Variants in PDS5A observed in about 807,000 individuals in gnomAD.
The protein encoded by PDS5A is sister chromatid cohesion protein PDS5 homolog A.
PDS5A carries 42 observed loss-of-function variants against 167.1 expected under a neutral mutation model. The observed-to-expected ratio is 0.25, with a 90% CI of 0.20 to 0.33. The LOEUF (loss-of-function observed/expected upper bound fraction) is 0.33, where lower values mean the gene tolerates loss of function less well. Ranked by LOEUF, PDS5A falls within the 10% of genes least tolerant of loss-of-function variation. The pLI, the probability that PDS5A is intolerant of heterozygous loss-of-function variation, is 1.00. For missense variants in PDS5A, 1,033 were observed against 1,605.9 expected (o/e 0.64, Z 6.10); for synonymous variants, 553 against 554.6 (o/e 1.00, Z 0.04).
chr4:39,849,458 C>G, intron 27 of PDS5A, 62 bp downstream of exon 27: 1 of 646,532 alleles, frequency 1.5e-6, no homozygotes, highest in East Asian at 3.7e-5. Context: ...AAAAAAAAAC[C>G]AAGTGGGACA....
chr4:39,939,997 C>A (rs1274972453), intron 2 of PDS5A, among the ~76,000 whole-genome samples: 1 of 151,894 alleles, frequency 6.6e-6, no homozygotes, highest in Non-Finnish European at 1.5e-5. Context: ...GAGTCTCACA[C>A]CTGCAATCCC....
chr4:39,958,824 G>T (rs908837604), intron 2 of PDS5A, among the ~76,000 whole-genome samples: 1 of 152,030 alleles, frequency 6.6e-6, no homozygotes, highest in Admixed American at 6.6e-5. Flanking sequence ...GGCCAGGTTG[G>T]TCTCAAGCTC....
At chr4:39,888,530 T>C (rs1386539149) in intron 17 of PDS5A, among the ~76,000 whole-genome samples, 2 of 151,950 alleles carry the variant, frequency 1.3e-5, no homozygotes, top group Non-Finnish European at 2.9e-5. Flanking sequence ...AATAGCCAAA[T>C]ATGGAATGAA....
intron 2 of PDS5A, among the ~76,000 whole-genome samples, chr4:39,964,539 TACA>T (rs903632328): frequency 2.0e-5 from 3 of 152,060 alleles, no homozygotes; most frequent in African/African-American, 7.2e-5. Context: ...CCCCCAAAAC[TACA>T]ACAAATTTAA....
chr4:39,900,618 C>T, intron 13 of PDS5A, 111 bp from the exon 14 acceptor site: 2 of 672,650 alleles, frequency 3.0e-6, no homozygotes, highest in Non-Finnish European at 5.3e-6. Flanking sequence ...CTACATCTAC[C>T]TAAAAGTTTA....
rs530611960 is a variant in PDS5A, at chr4:39,898,262, C to G, written c.1770+127G>C. On this transcript the variant is annotated intron_variant, in intron 16 of 32. Transcript: ENST00000303538. Reference sequence around the variant, plus strand: ...GAATTAACTTGACAATAGATATACTCCAAAGTAATTCAGAGCTCACAATAT... The same window carrying G: ...GAATTAACTTGACAATAGATATACTGCAAAGTAATTCAGAGCTCACAATAT... The G allele has an allele frequency of 5.2e-6, 7 of 1,346,836 alleles. No homozygotes were observed. The South Asian group carries it at 6.8e-5, about 13-fold the overall frequency. The allele number at this position is 1,346,836 out of a possible 1,614,324, so 83.4% of individuals were successfully genotyped here.
At chr4:39,860,728 G>A (rs1357909072) in intron 26 of PDS5A, among the ~76,000 whole-genome samples, 1 of 152,100 alleles carries the variant, frequency 6.6e-6, no homozygotes, top group African/African-American at 2.4e-5. Flanking sequence ...AGTGAAATAA[G>A]CCAAGCCCAG....
Position 39,913,731 on chromosome 4 carries a change from GA to G in PDS5A, c.877-6del. On this transcript the variant is annotated splice_region_variant and splice_polypyrimidine_tract_variant and intron_variant, in intron 8 of 32. Transcript: ENST00000303538. ...TCGCTCTTCTCCATCATTGCTCTAAGAAGGGAAAACAGAAAGTGAAGCCTAA... is the reference window on the plus strand; with the variant it reads ...TCGCTCTTCTCCATCATTGCTCTAAGAGGGAAAACAGAAAGTGAAGCCTAA... 6.7e-7 allele frequency: 1 copy of G among 1,487,498 alleles called. No individual in the cohort carries two copies. Among genetic ancestry groups the G allele is most frequent in the Non-Finnish European group, 9.4e-7 (1 of 1,065,054 alleles). 92.1% of individuals were successfully genotyped at this position (1,487,498 alleles called of 1,614,324 possible). A position where few individuals can be genotyped will look rare whatever the true frequency, so the allele number is the denominator to read the frequency against.
intron 16 of PDS5A, among the ~76,000 whole-genome samples, chr4:39,897,807 G>A (rs1317407969): frequency 1.3e-5 from 2 of 151,486 alleles, no homozygotes; most frequent in African/African-American, 4.9e-5. Flanking sequence ...TAACGCTGTA[G>A]TGAACTATGA....
At chr4:39,861,703 G>A (rs1245141971) in intron 26 of PDS5A, among the ~76,000 whole-genome samples, 1 of 152,088 alleles carries the variant, frequency 6.6e-6, no homozygotes, top group Non-Finnish European at 1.5e-5. Context: ...AAGAGGAAAT[G>A]GATATCTTAA....
At chr4:39,894,279 A>G (rs1306465017) in intron 16 of PDS5A, among the ~76,000 whole-genome samples, 2 of 152,106 alleles carry the variant, frequency 1.3e-5, no homozygotes, top group Non-Finnish European at 1.5e-5. Flanking sequence ...ATGATGGCGC[A>G]TGCCTGTAAT....
At chr4:39,869,344 A>G (rs774570165) in intron 22 of PDS5A, 50 bp downstream of exon 22, 2 of 1,067,554 alleles carry the variant, frequency 1.9e-6, no homozygotes, top group East Asian at 4.7e-5. Context: ...GATAACTACA[A>G]AATGTCCCTT....
chr4:39,896,295 C>T (rs1376843234), intron 16 of PDS5A, among the ~76,000 whole-genome samples: 1 of 150,446 alleles, frequency 6.6e-6, no homozygotes, highest in Non-Finnish European at 1.5e-5. Context: ...ATCCTCCTGC[C>T]TAGGCCTCCC....
At chr4:39,961,227 C>T (rs1261447912) in intron 2 of PDS5A, among the ~76,000 whole-genome samples, 2 of 152,184 alleles carry the variant, frequency 1.3e-5, no homozygotes, top group South Asian at 2.1e-4. Flanking sequence ...ATTGTAAAAA[C>T]TCCACTCACT....
Position 39,952,255 on chromosome 4 carries a change from C to G in PDS5A, c.139-24091G>C, listed in dbSNP as rs139635835. 5.8e-3 allele frequency among the ~76,000 whole-genome samples: 884 copies of G among 152,276 alleles called. 8 individuals are homozygous for G. Among genetic ancestry groups the G allele is most frequent in the African/African-American group, 0.02 (826 of 41,562 alleles). The stretch of plus-strand genomic sequence containing the variant: ...CCGAGGCAGGAGAACTGCTTGAACC[C>G]GGGAAGCGGAGGTTGCAGTGAGCTG... On this transcript the variant is annotated intron_variant, in intron 2 of 32. Transcript: ENST00000303538.
chr4:39,970,647 C>T (rs780040118), intron 2 of PDS5A, among the ~76,000 whole-genome samples: 3 of 151,836 alleles, frequency 2.0e-5, no homozygotes, highest in Non-Finnish European at 2.9e-5. Context: ...TGCCACTAAA[C>T]TGCCCTGTGA....
intron 29 of PDS5A, among the ~76,000 whole-genome samples, chr4:39,845,402 T>C (rs991826416): frequency 6.6e-6 from 1 of 152,204 alleles, no homozygotes; most frequent in African/African-American, 2.4e-5. Context: ...ATTGGATATA[T>C]ATATAGTAAT....
intron 32 of PDS5A, among the ~76,000 whole-genome samples, chr4:39,832,743 T>A (rs931862810): frequency 2.5e-4 from 38 of 152,102 alleles, no homozygotes; most frequent in African/African-American, 8.9e-4. Flanking sequence ...TGGTCCCAGC[T>A]ACTTGGGAGG....
intron 32 of PDS5A, among the ~76,000 whole-genome samples, chr4:39,826,633 G>A (rs897820957): frequency 4.6e-5 from 7 of 151,510 alleles, no homozygotes; most frequent in African/African-American, 9.7e-5. Context: ...CTACAGGTGC[G>A]TGCCACCATG....
Sources: gnomAD v4.1 joint callset for allele counts (sites outside exome capture counted in the v4.1 genomes callset) on GRCh38, gnomAD v4.1.1 for gene constraint, MANE v1.5 for transcripts, NCBI Gene and HGNC (gene_info 2026-07-23, HGNC 2026-07-21) for gene names.